Variants in MALRD1 observed in about 807,000 individuals in gnomAD.
MALRD1 encodes the protein MAM and LDL receptor class A domain containing 1.
A neutral mutation model predicts 242.1 loss-of-function variants in MALRD1; 247 were observed. The ratio of observed to expected loss-of-function variants is 1.02; its 90% CI spans 0.92 to 1.13. The LOEUF (loss-of-function observed/expected upper bound fraction) is 1.13. Ranked by LOEUF, MALRD1 falls within the 50% of genes most tolerant of loss-of-function variation. The pLI, the probability that MALRD1 is intolerant of heterozygous loss-of-function variation, is 0.00. For missense variants in MALRD1, 2,989 were observed against 2,533.1 expected (o/e 1.18, Z -3.86); for synonymous variants, 995 against 866.6 (o/e 1.15, Z -2.60).
rs781131091 is a variant in MALRD1, at chr10:19,324,794, CT to C, written c.3576+691del. ...AGCCAAGTCATTTTGTAAAATGTCT[CT>C]TAGTTAAATTTTATTGTGTTAAGCC... On this transcript the variant is annotated intron_variant, in intron 22 of 39. Transcript: ENST00000454679. Among the ~76,000 whole-genome samples the C allele has an allele frequency of 3.9e-3, 586 of 151,916 alleles. 2 individuals carry two copies. Among genetic ancestry groups the C allele is most frequent in the Non-Finnish European group, 5.4e-3 (369 of 67,920 alleles).
intron 14 of MALRD1, among the ~76,000 whole-genome samples, chr10:19,185,865 C>CT (rs1230628907): frequency 6.7e-6 from 1 of 148,626 alleles, no homozygotes; most frequent in Admixed American, 6.8e-5. Flanking sequence ...ATTAGGACTA[C>CT]TTTTTTCAGT....
chr10:19,522,842 A>G lies in MALRD1; in HGVS notation c.5321-8352A>G, dbSNP rs10494866. Among the ~76,000 whole-genome samples, 528 of 152,280 alleles carry G rather than the reference A, an allele frequency of 3.5e-3. 7 individuals are homozygous for G. The East Asian group carries it at 0.05, about 14-fold the overall frequency. ...TCAGAGCTGGTCTTTAAAACAATAC[A>G]TATTATTAGCTTGTAAGATTATTTT... On this transcript the variant is annotated intron_variant, in intron 31 of 39. Transcript: ENST00000454679.
At chr10:19,588,725 C>G (rs916291171) in intron 33 of MALRD1, among the ~76,000 whole-genome samples, 1 of 152,220 alleles carries the variant, frequency 6.6e-6, no homozygotes, top group African/African-American at 2.4e-5. Context: ...TCACTGCAAC[C>G]TCCACCTCCT....
chr10:19,413,423 T>A (rs964825328), intron 28 of MALRD1, among the ~76,000 whole-genome samples: 2 of 152,186 alleles, frequency 1.3e-5, no homozygotes, highest in African/African-American at 4.8e-5. Flanking sequence ...CTGTGCTTCT[T>A]GCACCAATTT....
At chr10:19,452,811 A>C (rs531494895) in intron 29 of MALRD1, among the ~76,000 whole-genome samples, 1 of 152,274 alleles carries the variant, frequency 6.6e-6, no homozygotes, top group South Asian at 2.1e-4. Context: ...AAACACGTCA[A>C]AGTCAGAAAG....
intron 18 of MALRD1, among the ~76,000 whole-genome samples, chr10:19,242,709 A>G (rs1258374830): frequency 6.6e-6 from 1 of 151,768 alleles, no homozygotes; most frequent in African/African-American, 2.4e-5. Context: ...TAGTTTTTTT[A>G]TTTAAAGCCT....
intron 26 of MALRD1, among the ~76,000 whole-genome samples, chr10:19,352,986 AT>A (rs1844461470): frequency 1.3e-5 from 2 of 152,216 alleles, no homozygotes; most frequent in South Asian, 4.1e-4. Context: ...AGCCAGTGAT[AT>A]GATAGATACT....
At chr10:19,304,383 A>G (rs903867354) in intron 21 of MALRD1, among the ~76,000 whole-genome samples, 3 of 151,326 alleles carry the variant, frequency 2.0e-5, no homozygotes, top group Non-Finnish European at 4.4e-5. Flanking sequence ...TCTATTAGTC[A>G]TCATCATCAT....
chr10:19,646,069 G>A (rs1348624693), intron 36 of MALRD1, among the ~76,000 whole-genome samples: 1 of 152,076 alleles, frequency 6.6e-6, no homozygotes, highest in African/African-American at 2.4e-5. Flanking sequence ...AATAAACATG[G>A]ATAAAGTTTT....
At chr10:19,689,469 T>G (rs7099812) in intron 36 of MALRD1, among the ~76,000 whole-genome samples, 62,275 of 151,884 alleles carry the variant, frequency 0.41, 13,324 homozygotes, top group Non-Finnish European at 0.47. Context: ...AGAACATTTT[T>G]CTTCACTATA....
At chr10:19,266,495 C>T (rs7093299) in intron 19 of MALRD1, among the ~76,000 whole-genome samples, 1,760 of 151,944 alleles carry the variant, frequency 0.012, 35 homozygotes, top group African/African-American at 0.04. Context: ...AAATCCTACA[C>T]GTCTTCCCAC....
At chr10:19,569,135 G>C (rs1225147602) in intron 33 of MALRD1, among the ~76,000 whole-genome samples, 1 of 151,972 alleles carries the variant, frequency 6.6e-6, no homozygotes, top group Non-Finnish European at 1.5e-5. Context: ...CTGCCATAAT[G>C]GCTTTAATCA....
intron 38 of MALRD1, among the ~76,000 whole-genome samples, chr10:19,718,128 G>A (rs201063237): frequency 1.1e-4 from 16 of 140,028 alleles, no homozygotes; most frequent in African/African-American, 3.5e-4. Flanking sequence ...AAGAAGAAGA[G>A]GAAGAAGAGG....
intron 21 of MALRD1, among the ~76,000 whole-genome samples, chr10:19,294,473 C>G (rs1049870079): frequency 3.3e-5 from 5 of 152,110 alleles, no homozygotes; most frequent in Non-Finnish European, 5.9e-5. Flanking sequence ...CTAAAAGATT[C>G]ATAGATTGTA....
intron 11 of MALRD1, among the ~76,000 whole-genome samples, chr10:19,151,879 T>G (rs1437302676): frequency 6.6e-6 from 1 of 152,162 alleles, no homozygotes; most frequent in East Asian, 1.9e-4. Context: ...GTAATTTTAT[T>G]TATTATTCAT....
At chr10:19,197,370 C>CT (rs1836312535) in intron 14 of MALRD1, among the ~76,000 whole-genome samples, 1 of 152,138 alleles carries the variant, frequency 6.6e-6, no homozygotes, top group Non-Finnish European at 1.5e-5. Flanking sequence ...GTCCTCCACT[C>CT]TCTTCAGTAA....
At chr10:19,620,084 C>A (rs1839336402) in intron 36 of MALRD1, among the ~76,000 whole-genome samples, 1 of 151,292 alleles carries the variant, frequency 6.6e-6, no homozygotes, top group South Asian at 2.1e-4. Context: ...TAATCAAAGA[C>A]CTTAAAGTAT....
At chr10:19,408,799 A>G (rs1200607650) in intron 28 of MALRD1, among the ~76,000 whole-genome samples, 1 of 152,208 alleles carries the variant, frequency 6.6e-6, no homozygotes, top group Non-Finnish European at 1.5e-5. Flanking sequence ...GGGAGGATAT[A>G]GAGATACTGA....
chr10:19,484,936 A>C (rs1837172012), intron 29 of MALRD1, among the ~76,000 whole-genome samples: 1 of 152,128 alleles, frequency 6.6e-6, no homozygotes, highest in South Asian at 2.1e-4. Context: ...GAGCTCAGCA[A>C]CCCATGAGTG....
Sources: gnomAD v4.1 joint callset for allele counts (sites outside exome capture counted in the v4.1 genomes callset) on GRCh38, gnomAD v4.1.1 for gene constraint, MANE v1.5 for transcripts, NCBI Gene and HGNC (gene_info 2026-07-23, HGNC 2026-07-21) for gene names.